DGKI: variants seen among roughly 807,000 people sequenced by gnomAD.
The protein encoded by DGKI is DAG kinase iota.
DGKI carries 55 observed loss-of-function variants against 147.5 expected under a neutral mutation model. The observed-to-expected ratio is 0.37, with a 90% CI of 0.30 to 0.47. DGKI has a LOEUF of 0.47. Among genes scored for constraint, DGKI ranks in the 20% least tolerant of loss-of-function variants. The probability of loss-of-function intolerance (pLI) is 1.00; values close to 1 mark genes in which losing one functional copy is unlikely to be tolerated. For missense variants in DGKI, 1,007 were observed against 1,323.8 expected (o/e 0.76, Z 3.71); for synonymous variants, 469 against 477.1 (o/e 0.98, Z 0.22).
At chr7:137,490,757 G>A (rs1815734952) in intron 21 of DGKI, among the ~76,000 whole-genome samples, 1 of 152,158 alleles carries the variant, frequency 6.6e-6, no homozygotes, top group Admixed American at 6.6e-5. Flanking sequence ...TATCACCTGA[G>A]CACCAGTGTC....
chr7:137,637,964 G>A (rs1432748509), intron 6 of DGKI, among the ~76,000 whole-genome samples: 1 of 152,016 alleles, frequency 6.6e-6, no homozygotes, highest in Non-Finnish European at 1.5e-5. Flanking sequence ...CGTCATAAGC[G>A]GATTGAAGAA....
chr7:137,712,506 A>T (rs997195256), intron 1 of DGKI, among the ~76,000 whole-genome samples: 1 of 152,216 alleles, frequency 6.6e-6, no homozygotes, highest in African/African-American at 2.4e-5. Context: ...TAAAATTAGG[A>T]ATAGAAAGAT....
At chr7:137,821,385 AC>A (rs1797890867) in intron 1 of DGKI, among the ~76,000 whole-genome samples, 1 of 152,120 alleles carries the variant, frequency 6.6e-6, no homozygotes, top group Non-Finnish European at 1.5e-5. Context: ...TTACCAATTC[AC>A]CCCTGGTCAC....
At chr7:137,570,644 T>G (rs375619108) in intron 19 of DGKI, among the ~76,000 whole-genome samples, 1 of 150,354 alleles carries the variant, frequency 6.7e-6, no homozygotes, top group African/African-American at 2.5e-5. Flanking sequence ...CAGGCTGGAG[T>G]GCAGTGGCAC....
intron 1 of DGKI, chr7:137,722,176 T>C: frequency 1.2e-6 from 2 of 1,600,484 alleles, no homozygotes; most frequent in African/African-American, 1.3e-5. Flanking sequence ...TGCTATGTAT[T>C]CCAGAAAGGC....
intron 28 of DGKI, among the ~76,000 whole-genome samples, chr7:137,416,861 GTAGTTTCCAATT>G (rs1812381414): frequency 6.6e-6 from 1 of 152,132 alleles, no homozygotes; most frequent in Non-Finnish European, 1.5e-5. Context: ...ATAACCACGA[GTAGTTTCCAATT>G]GTACTGGATG....
At chr7:137,844,339 G>C (rs554578009) in intron 1 of DGKI, among the ~76,000 whole-genome samples, 2 of 152,196 alleles carry the variant, frequency 1.3e-5, no homozygotes, top group East Asian at 1.9e-4. Context: ...GGTTTGGATG[G>C]GGAGGGTTTA....
At chr7:137,767,575 A>T (rs898114680) in intron 1 of DGKI, among the ~76,000 whole-genome samples, 21 of 149,692 alleles carry the variant, frequency 1.4e-4, no homozygotes, top group Non-Finnish European at 1.8e-4. Flanking sequence ...GAAGAGAAGG[A>T]GAAGGAGAAG....
intron 20 of DGKI, chr7:137,545,789 T>C (rs376969559): frequency 1.3e-5 from 7 of 528,746 alleles, no homozygotes; most frequent in African/African-American, 9.5e-5. Context: ...TCTGGTGAGG[T>C]GGCTTCCTTA....
In DGKI at chr7:137,391,300, C is replaced by A. The variant is rs1244800895; in HGVS notation, c.3094G>T (p.Asp1032Tyr). 1 of 1,612,560 alleles carries A rather than the reference C, an allele frequency of 6.2e-7. No homozygotes were observed. The highest frequency in any genetic ancestry group is 1.7e-5 in the Admixed American group (1 of 59,880). The change falls in exon 33 of 33, where the codon GAC becomes TAC. Residue 1032 changes from aspartate (D) to tyrosine (Y), a missense_variant. Coordinates refer to ENST00000614521, the MANE Select transcript of DGKI (RefSeq NM_001321708.2). ...TPQERAQQAGDPDLAAYLESR... is the reference protein window; with the variant it reads ...TPQERAQQAGYPDLAAYLESR... ...TCTAGGTAAGCAGCCAAGTCTGGGT[C>A]CCCAGCCTGCTGTGCTCTTTCTTGA...
At chr7:137,457,074 AAAG>A (rs767152545) in intron 27 of DGKI, among the ~76,000 whole-genome samples, 1 of 152,202 alleles carries the variant, frequency 6.6e-6, no homozygotes, top group Non-Finnish European at 1.5e-5. Flanking sequence ...TCAAGAAGAA[AAAG>A]AAGAAGGAAG....
chr7:137,782,014 G>A (rs763712159), intron 1 of DGKI, among the ~76,000 whole-genome samples: 2 of 152,222 alleles, frequency 1.3e-5, no homozygotes, highest in Non-Finnish European at 2.9e-5. Context: ...AGACAGAGCA[G>A]CATGTGGAGA....
chr7:137,483,969 T>C (rs1172819578), intron 23 of DGKI, among the ~76,000 whole-genome samples: 1 of 152,076 alleles, frequency 6.6e-6, no homozygotes, highest in Non-Finnish European at 1.5e-5. Context: ...TGATGAAAGT[T>C]GTGCTCTATC....
rs567890128 is a variant in DGKI at position 137,487,971 on chromosome 7, C to T, written c.2249-282G>A. ...CTGGCCCTGAGATGAAGTGAATTGT[C>T]GCAGTAACGATGGATTGGCAGAACA... On this transcript the variant is annotated intron_variant, in intron 21 of 32. Coordinates refer to ENST00000614521, the MANE Select transcript of DGKI (RefSeq NM_001321708.2). Among the ~76,000 whole-genome samples, 127 of 152,248 alleles carry T rather than the reference C, an allele frequency of 8.3e-4. 3 individuals are homozygous for T. In the South Asian group the frequency reaches 0.024, roughly 29 times the overall value.
intron 1 of DGKI, among the ~76,000 whole-genome samples, chr7:137,698,127 G>T (rs1823857438): frequency 6.7e-6 from 1 of 150,036 alleles, no homozygotes; most frequent in Non-Finnish European, 1.5e-5. Flanking sequence ...TATAGATATA[G>T]ATATAGATAT....
At chr7:137,430,217 T>C (rs1585107676) in intron 28 of DGKI, among the ~76,000 whole-genome samples, 3 of 150,942 alleles carry the variant, frequency 2.0e-5, no homozygotes, top group Admixed American at 1.3e-4. Context: ...TGGAATACTA[T>C]GCAGCCATAA....
At chr7:137,629,693 T>G (rs1318195633) in intron 6 of DGKI, among the ~76,000 whole-genome samples, 1 of 152,216 alleles carries the variant, frequency 6.6e-6, no homozygotes, top group African/African-American at 2.4e-5. Flanking sequence ...CTTCAGTTTT[T>G]AACCAGCAAA....
At chr7:137,452,925 A>G (rs1245617498) in intron 27 of DGKI, 1 of 152,180 alleles carries the variant, frequency 6.6e-6, no homozygotes, top group Non-Finnish European at 1.5e-5. Context: ...CCTGGTCAGC[A>G]TTCCCCAGGT....
At chr7:137,698,715 G>A (rs899251236) in intron 1 of DGKI, among the ~76,000 whole-genome samples, 1 of 152,146 alleles carries the variant, frequency 6.6e-6, no homozygotes, top group Non-Finnish European at 1.5e-5. Flanking sequence ...TTTATGAAAT[G>A]GATCGTTTTG....
Sources: allele counts gnomAD v4.1 joint callset (sites outside exome capture counted in the v4.1 genomes callset), GRCh38; gene constraint gnomAD v4.1.1; transcripts MANE v1.5; gene names NCBI Gene and HGNC (gene_info 2026-07-23, HGNC 2026-07-21).